PTPRN2: variants seen among roughly 807,000 people sequenced by gnomAD.
PTPRN2 encodes receptor-type tyrosine-protein phosphatase N2.
In PTPRN2, 74 loss-of-function variants were observed where a neutral mutation model predicts 118.8. The observed-to-expected ratio is 0.62, with a 90% CI of 0.52 to 0.76. The LOEUF (loss-of-function observed/expected upper bound fraction) is 0.76, where lower values mean the gene tolerates loss of function less well. Among genes scored for constraint, PTPRN2 ranks in the 30% least tolerant of loss-of-function variants. PTPRN2 has a pLI of 0.00. For synonymous variants in PTPRN2, 641 were observed against 608.0 expected (o/e 1.05, Z -0.80); for missense variants, 1,481 against 1,394.4 (o/e 1.06, Z -0.99).
At chr7:158,061,558 G>T (rs1187909711) in intron 11 of PTPRN2, among the ~76,000 whole-genome samples, 15 of 152,214 alleles carry the variant, frequency 9.9e-5, no homozygotes, top group African/African-American at 3.6e-4. Flanking sequence ...ATAAACAGTC[G>T]TGGTGGCAAA....
intron 12 of PTPRN2, among the ~76,000 whole-genome samples, chr7:157,822,878 T>G (rs1806938908): frequency 1.3e-5 from 2 of 151,684 alleles, no homozygotes; most frequent in South Asian, 4.2e-4. Flanking sequence ...CCATCCTTCC[T>G]CTCATCCATC....
rs1585342557 is a variant in PTPRN2, at chr7:158,071,813, CGTCGT to C, written c.1723+9480_1723+9484del. ...TGGAGGTGCTCCTGGTGGAGGTGCT[CGTCGT>C]ATGGAGGTGCCCGTGGTGGAGGTGC... On this transcript the variant is annotated intron_variant, in intron 11 of 22. Transcript: ENST00000389418. 1.7e-4 allele frequency among the ~76,000 whole-genome samples: 14 copies of C among 84,728 alleles called. No homozygotes were observed. In the East Asian group the frequency reaches 1.9e-3, roughly 11 times the overall value. 55.6% of individuals were successfully genotyped at this position (84,728 alleles called of 152,430 possible).
At chr7:157,995,579 A>G (rs180702113) in intron 11 of PTPRN2, among the ~76,000 whole-genome samples, 3 of 152,246 alleles carry the variant, frequency 2.0e-5, no homozygotes, top group Admixed American at 2.0e-4. Flanking sequence ...GAAGGCAGCA[A>G]ACCTGCAGTC....
At chr7:157,661,802 G>A (rs1007007054) in intron 13 of PTPRN2, among the ~76,000 whole-genome samples, 1 of 152,202 alleles carries the variant, frequency 6.6e-6, no homozygotes, top group African/African-American at 2.4e-5. Flanking sequence ...GGCAGGACGT[G>A]GCTCCCCGGA....
rs921334737 is a variant in PTPRN2, at chr7:157,953,574, C to A, written c.1724-54837G>T. ...AACCTGGATCCACATGGCTGGAGGT[C>A]CGGTGTCCCTAAAGACTTCTATGAC... is the stretch of plus-strand genomic sequence containing the variant. On this transcript the variant is annotated intron_variant, in intron 11 of 22. Transcript: ENST00000389418. This position sits in a 1 kb window ranked among gnomAD's most constrained non-coding sequence, Gnocchi z 4.6. Among the ~76,000 whole-genome samples the A allele has an allele frequency of 3.3e-5, 5 of 152,264 alleles. No individual in the cohort carries two copies. The East Asian group carries it at 9.7e-4, about 29-fold the overall frequency.
At chr7:158,125,391 C>T (rs1010665651) in intron 9 of PTPRN2, among the ~76,000 whole-genome samples, 9 of 151,930 alleles carry the variant, frequency 5.9e-5, no homozygotes, top group Admixed American at 3.3e-4. Flanking sequence ...CCCTGCCTCG[C>T]GTACTTCCCA....
chr7:157,729,811 G>A lies in PTPRN2; in HGVS notation c.1789-46874C>T, dbSNP rs912698042. Among the ~76,000 whole-genome samples, 4 of 152,184 alleles carry A rather than the reference G, an allele frequency of 2.6e-5. No homozygotes were observed. The highest frequency in any genetic ancestry group is 4.8e-5 in the African/African-American group (2 of 41,444). The stretch of plus-strand genomic sequence containing the variant: ...CCCATAAGGGCCACCTGCTGGCCAC[G>A]TGGAGGACGGGGAGCGGCAGGCGGA... On this transcript the variant is annotated intron_variant, in intron 12 of 22. Coordinates refer to ENST00000389418, the MANE Select transcript of PTPRN2 (RefSeq NM_002847.5). The surrounding 1 kb of genome is among the most constrained non-coding windows in gnomAD (Gnocchi z 4.3).
At chr7:157,650,715 C>T (rs1233891811) in intron 14 of PTPRN2, among the ~76,000 whole-genome samples, 2 of 152,216 alleles carry the variant, frequency 1.3e-5, no homozygotes, top group African/African-American at 4.8e-5. Flanking sequence ...GGGACTGGGG[C>T]CAGGGGAGCG....
chr7:157,717,631 G>A (rs1387740767), intron 12 of PTPRN2, among the ~76,000 whole-genome samples: 8 of 152,372 alleles, frequency 5.3e-5, no homozygotes, highest in South Asian at 2.1e-4. Context: ...ACAGCTCCAC[G>A]CCTCACCTCT....
At chr7:157,840,393 T>C (rs1808324703) in intron 12 of PTPRN2, among the ~76,000 whole-genome samples, 1 of 137,936 alleles carries the variant, frequency 7.2e-6, no homozygotes, top group African/African-American at 3.1e-5. Flanking sequence ...CGCGTGTGAC[T>C]GTGTGACCGT....
At chr7:157,777,439 CCGGAGGACACGCAG>C (rs1274614733) in intron 12 of PTPRN2, among the ~76,000 whole-genome samples, 461 of 147,770 alleles carry the variant, frequency 3.1e-3, no homozygotes, top group African/African-American at 0.01. Flanking sequence ...CTTCTTGATG[CCGGAGGACACGCAG>C]TGCCCCACAC....
At chr7:158,340,320 A>C (rs1244028742) in intron 2 of PTPRN2, among the ~76,000 whole-genome samples, 1 of 91,958 alleles carries the variant, frequency 1.1e-5, no homozygotes, top group Non-Finnish European at 2.3e-5. Flanking sequence ...ACCCACAGAC[A>C]TCACTCACAC....
chr7:157,747,784 C>A (rs1585366885), intron 12 of PTPRN2, among the ~76,000 whole-genome samples: 1 of 130,308 alleles, frequency 7.7e-6, no homozygotes, highest in Non-Finnish European at 1.6e-5. Context: ...AGGCCTGCGT[C>A]CCTGAGCTGT....
At chr7:157,578,701 A>G (rs549287922) in intron 17 of PTPRN2, among the ~76,000 whole-genome samples, 5 of 152,264 alleles carry the variant, frequency 3.3e-5, no homozygotes, top group Non-Finnish European at 7.3e-5. Context: ...ACTAATTCCT[A>G]TTAGCCACAT....
At chr7:158,441,450 A>AGTGGTG (rs1218317886) in intron 2 of PTPRN2, among the ~76,000 whole-genome samples, 27 of 34,076 alleles carry the variant, frequency 7.9e-4, no homozygotes, top group African/African-American at 1.1e-3. Flanking sequence ...CAGTGGTGGC[A>AGTGGTG]GTGGTGGTGA....
intron 11 of PTPRN2, among the ~76,000 whole-genome samples, chr7:158,025,960 C>T (rs973020964): frequency 6.6e-6 from 1 of 152,164 alleles, no homozygotes; most frequent in Admixed American, 6.5e-5. Flanking sequence ...TTGTTATTGA[C>T]AATTAATAGG....
At chr7:158,264,976 C>T (rs180967099) in intron 3 of PTPRN2, among the ~76,000 whole-genome samples, 2 of 152,216 alleles carry the variant, frequency 1.3e-5, no homozygotes, top group East Asian at 3.9e-4. Context: ...CAGTCGAGGT[C>T]CGCCTGTTCA....
chr7:157,728,441 G>C (rs775192896), intron 12 of PTPRN2, among the ~76,000 whole-genome samples: 1 of 152,206 alleles, frequency 6.6e-6, no homozygotes, highest in East Asian at 1.9e-4. Context: ...GGGGTTTCAC[G>C]GGGGCGAGGG....
At chr7:158,354,218 A>T (rs1427583262) in intron 2 of PTPRN2, among the ~76,000 whole-genome samples, 1 of 152,204 alleles carries the variant, frequency 6.6e-6, no homozygotes, top group Non-Finnish European at 1.5e-5. Flanking sequence ...ATCACAAAGA[A>T]TCTTTAAGCA....
Sources: gnomAD v4.1 joint callset for allele counts (sites outside exome capture counted in the v4.1 genomes callset) on GRCh38, gnomAD v4.1.1 for gene constraint, Gnocchi (gnomAD v3.1) non-coding constraint, MANE v1.5 for transcripts, NCBI Gene and HGNC (gene_info 2026-07-23, HGNC 2026-07-21) for gene names.